Variants in CACNA1D observed in about 807,000 individuals in gnomAD.
The protein encoded by CACNA1D is calcium voltage-gated channel subunit alpha1 D.
A neutral mutation model predicts 257.1 loss-of-function variants in CACNA1D; 55 were observed. That is an observed-to-expected ratio of 0.21 (90% CI 0.17 to 0.27). The LOEUF is 0.27. Ranked by LOEUF, CACNA1D falls within the 10% of genes least tolerant of loss-of-function variation. The pLI is 1.00. For synonymous variants in CACNA1D, 980 were observed against 1,014.9 expected (o/e 0.97, Z 0.65); for missense variants, 1,876 against 2,784.0 (o/e 0.67, Z 7.34).
intron 3 of CACNA1D, among the ~76,000 whole-genome samples, chr3:53,514,737 C>T (rs1263667990): frequency 6.6e-6 from 1 of 152,154 alleles, no homozygotes; most frequent in Non-Finnish European, 1.5e-5. Flanking sequence ...CCGGCTTGCT[C>T]TGGGGCACCT....
At chr3:53,804,144 C>T (rs968955249) in intron 44 of CACNA1D, among the ~76,000 whole-genome samples, 7 of 152,310 alleles carry the variant, frequency 4.6e-5, no homozygotes, top group Non-Finnish European at 1.0e-4. Context: ...GCGGCACAGG[C>T]GGATGAAAAT....
chr3:53,737,771 T>C (rs1204392635), intron 20 of CACNA1D, among the ~76,000 whole-genome samples: 1 of 152,234 alleles, frequency 6.6e-6, no homozygotes, highest in Non-Finnish European at 1.5e-5. Flanking sequence ...TGCAGTGAAC[T>C]GAGATCATGC....
Position 53,665,787 on chromosome 3 carries a change from C to A in CACNA1D, c.894C>A (p.His298Gln). ...TGGAACTTTTTATTGGAAAAATGCA[C>A]AAAACATGTTTTTTTGCTGACTCAG... ...IGLELFIGKMHKTCFFADSDI... is the reference protein window; with the variant it reads ...IGLELFIGKMQKTCFFADSDI... The change falls in exon 6 of 48, where the codon CAC (histidine) becomes CAA (glutamine). Residue 298 changes from histidine to glutamine, a missense_variant. Physicochemically the swap from His to Gln is conservative, Grantham distance 24 (BLOSUM62 0). Around this residue, in one of 10 missense-constraint regions of CACNA1D, gnomAD observed 188 missense variants for 390.4 expected, o/e 0.48. Coordinates refer to ENST00000350061, the MANE Select transcript of CACNA1D (RefSeq NM_001128840.3). The A allele has an allele frequency of 6.2e-7, 1 of 1,612,180 alleles. No individual in the cohort carries two copies. Among genetic ancestry groups the A allele is most frequent in the Non-Finnish European group, 8.5e-7 (1 of 1,178,508 alleles).
chr3:53,740,408 T>C (rs964674252), intron 21 of CACNA1D, 69 bp downstream of exon 21: 41 of 1,065,276 alleles, frequency 3.8e-5, no homozygotes, highest in Non-Finnish European at 5.7e-5. Context: ...ACTTCTTTGT[T>C]TGCCTTCCAG....
chr3:53,805,110 T>C lies in CACNA1D; in HGVS notation c.5713T>C (p.Ser1905Pro). The change falls in exon 45 of 48, where the codon TCT becomes CCT. Residue 1905 changes from serine to proline, a missense_variant. Coordinates refer to ENST00000350061, the MANE Select transcript of CACNA1D (RefSeq NM_001128840.3). ...GCCCGTTTGCTATGATTCACGGAGA[T>C]CTCCAAGGAGACGCCTACTACCTCC... ...DSPVCYDSRR[S>P]PRRRLLPPTP... 1 of 1,613,970 alleles carries C rather than the reference T, an allele frequency of 6.2e-7. No homozygotes were observed. Among genetic ancestry groups the C allele is most frequent in the East Asian group, 2.2e-5 (1 of 44,854 alleles).
At chr3:53,712,289 T>C (rs1380524042) in intron 9 of CACNA1D, among the ~76,000 whole-genome samples, 1 of 152,212 alleles carries the variant, frequency 6.6e-6, no homozygotes, top group African/African-American at 2.4e-5. Flanking sequence ...TTGACTGAAA[T>C]ACCTGGGGAC....
intron 3 of CACNA1D, among the ~76,000 whole-genome samples, chr3:53,557,787 G>C (rs2092673735): frequency 6.6e-6 from 1 of 152,050 alleles, no homozygotes; most frequent in East Asian, 1.9e-4. Context: ...CATAAAGCGG[G>C]GTGACTTGAA....
intron 12 of CACNA1D, 28 bp downstream of exon 12, chr3:53,722,502 T>C (rs1417821532): frequency 1.9e-6 from 3 of 1,612,274 alleles, no homozygotes; most frequent in Non-Finnish European, 2.5e-6. Flanking sequence ...TCCTTTTTTG[T>C]TCTGAACTAG....
rs933999059 is a variant in CACNA1D, at chr3:53,793,144, A to C, written c.4923+6192A>C. Among the ~76,000 whole-genome samples, 3 of 152,220 alleles carry C rather than the reference A, an allele frequency of 2.0e-5. No individual in the cohort carries two copies. Among genetic ancestry groups the C allele is most frequent in the African/African-American group, 7.2e-5 (3 of 41,456 alleles). On this transcript the variant is annotated intron_variant, in intron 40 of 47. Coordinates refer to ENST00000350061, the MANE Select transcript of CACNA1D (RefSeq NM_001128840.3). This position sits in a 1 kb window ranked among gnomAD's most constrained non-coding sequence, Gnocchi z 4.1. The stretch of plus-strand genomic sequence containing the variant: ...CTGAGTCTCCTTCCCCACTGCCAGC[A>C]GCCCAGCCCCTCCTGAGACTGCTCT...
chr3:53,550,043 G>A (rs999662405), intron 3 of CACNA1D, among the ~76,000 whole-genome samples: 1 of 152,210 alleles, frequency 6.6e-6, no homozygotes, highest in East Asian at 1.9e-4. Flanking sequence ...CTGGGAGGAA[G>A]AGATGGTGTG....
chr3:53,555,988 T>C (rs1380010245), intron 3 of CACNA1D, among the ~76,000 whole-genome samples: 1 of 152,216 alleles, frequency 6.6e-6, no homozygotes, highest in African/African-American at 2.4e-5. Flanking sequence ...ATTCTTCCTT[T>C]ACCCCAGCCC....
chr3:53,720,857 C>G (rs1389423356), intron 11 of CACNA1D, among the ~76,000 whole-genome samples: 12 of 152,198 alleles, frequency 7.9e-5, no homozygotes, highest in African/African-American at 2.9e-4. Context: ...AAAGTTTAAA[C>G]ATATATTTAC....
At chr3:53,571,415 G>A (rs2092941009) in intron 3 of CACNA1D, among the ~76,000 whole-genome samples, 1 of 152,224 alleles carries the variant, frequency 6.6e-6, no homozygotes, top group African/African-American at 2.4e-5. Flanking sequence ...AGGGGCAGTA[G>A]GGTGGCTGGA....
intron 5 of CACNA1D, among the ~76,000 whole-genome samples, chr3:53,664,828 CA>C (rs766695153): frequency 2.0e-5 from 3 of 152,232 alleles, no homozygotes; most frequent in African/African-American, 4.8e-5. Context: ...AAGAAGGGGT[CA>C]GGGGGCTCCT....
At chr3:53,795,015 C>T (rs1361706075) in intron 40 of CACNA1D, among the ~76,000 whole-genome samples, 4 of 152,214 alleles carry the variant, frequency 2.6e-5, no homozygotes, top group African/African-American at 7.2e-5. Context: ...GAGCCCTTCT[C>T]CCCCTCCAGC....
intron 3 of CACNA1D, among the ~76,000 whole-genome samples, chr3:53,642,288 T>C (rs190092331): frequency 3.6e-4 from 55 of 152,320 alleles, no homozygotes; most frequent in Admixed American, 2.4e-3. Context: ...TTGTGGTCTC[T>C]CAGGGCTGAA....
At chr3:53,633,003 A>G (rs1478702456) in intron 3 of CACNA1D, among the ~76,000 whole-genome samples, 1 of 152,248 alleles carries the variant, frequency 6.6e-6, no homozygotes, top group Non-Finnish European at 1.5e-5. Flanking sequence ...AAATGGTACC[A>G]ATAGACCCGC....
intron 3 of CACNA1D, among the ~76,000 whole-genome samples, chr3:53,526,516 T>G (rs1036699017): frequency 6.6e-6 from 1 of 152,256 alleles, no homozygotes; most frequent in African/African-American, 2.4e-5. Flanking sequence ...GGTGGAAAAC[T>G]TATTTCAGGT....
chr3:53,679,993 T>C (rs551123421), intron 8 of CACNA1D, among the ~76,000 whole-genome samples: 88 of 152,336 alleles, frequency 5.8e-4, no homozygotes, highest in African/African-American at 2.0e-3. Flanking sequence ...TTATATATAC[T>C]TTTGAACACT....
Sources: allele counts gnomAD v4.1 joint callset (sites outside exome capture counted in the v4.1 genomes callset), GRCh38; gene constraint gnomAD v4.1.1; regional missense constraint gnomAD v4.1.1; non-coding constraint Gnocchi (gnomAD v3.1); transcripts MANE v1.5; gene names NCBI Gene and HGNC (gene_info 2026-07-23, HGNC 2026-07-21).